The following CCDC81 variants were observed in gnomAD, a reference collection of about 807,000 sequenced individuals.
CCDC81 encodes the protein coiled-coil domain containing 81, also known as coiled-coil domain-containing protein 81.
Under a neutral mutation model 83.7 loss-of-function variants are expected in CCDC81, and 79 were observed. The observed-to-expected ratio is 0.94, with a 90% confidence interval of 0.79 to 1.14. CCDC81 has a LOEUF of 1.14. CCDC81 is among the 50% of genes most tolerant of loss of function. The probability of loss-of-function intolerance (pLI) is 0.00; values close to 1 mark genes in which losing one functional copy is unlikely to be tolerated. For synonymous variants in CCDC81, 252 were observed against 278.1 expected, an observed-to-expected ratio of 0.91 and a Z score of 0.93; for missense variants, 791 against 778.1, an observed-to-expected ratio of 1.02 and a Z score of -0.20.
chr11:86,375,938 A>T (rs887381714), intron 1 of CCDC81, among the ~76,000 whole-genome samples: 1 of 152,226 alleles, frequency 6.6e-6, no homozygotes, highest in African/African-American at 2.4e-5. Flanking sequence ...CAGAAAACAA[A>T]TAGGAATGGC....
chr11:86,406,085 C>T (rs58589645), intron 7 of CCDC81, among the ~76,000 whole-genome samples: 2,197 of 152,214 alleles, frequency 0.014, 43 homozygotes, highest in African/African-American at 0.05. Flanking sequence ...CCCTGTCCTT[C>T]CTCCTAGGTT....
intron 7 of CCDC81, among the ~76,000 whole-genome samples, chr11:86,405,581 T>C (rs1288377156): frequency 6.6e-6 from 1 of 152,216 alleles, no homozygotes; most frequent in Non-Finnish European, 1.5e-5. Flanking sequence ...GCTTTGAATT[T>C]CCTTTGACCA....
At chr11:86,416,559 T>C (rs917915119) in intron 13 of CCDC81, among the ~76,000 whole-genome samples, 1 of 152,248 alleles carries the variant, frequency 6.6e-6, no homozygotes, top group African/African-American at 2.4e-5. Flanking sequence ...ATTGTCCTCA[T>C]ATGAGAAAGA....
At chr11:86,378,863 G>T (rs1041045623) in intron 1 of CCDC81, among the ~76,000 whole-genome samples, 1 of 152,002 alleles carries the variant, frequency 6.6e-6, no homozygotes, top group African/African-American at 2.4e-5. Context: ...TTTAGATTTA[G>T]ATTGGGTTTC....
At chr11:86,417,232 G>T (rs1327695554) in intron 13 of CCDC81, among the ~76,000 whole-genome samples, 3 of 44,642 alleles carry the variant, frequency 6.7e-5, no homozygotes, top group African/African-American at 9.6e-5. Context: ...GACAGAGATT[G>T]CCTCAAAAAA....
chr11:86,379,948 T>G (rs930787800), intron 1 of CCDC81, among the ~76,000 whole-genome samples: 15 of 152,140 alleles, frequency 9.9e-5, no homozygotes, highest in Non-Finnish European at 2.2e-4. Context: ...ACTGCACCGT[T>G]GCACTCCAGG....
At chr11:86,420,251 T>C (rs1427711699) in intron 14 of CCDC81, among the ~76,000 whole-genome samples, 198 bp downstream of exon 14, 1 of 152,236 alleles carries the variant, frequency 6.6e-6, no homozygotes, top group Non-Finnish European at 1.5e-5. Context: ...CTGAGTTGTA[T>C]GCTAGGTATT....
Position 86,392,754 on chromosome 11 carries a change from G to T in CCDC81, c.512G>T (p.Cys171Phe). 3 of 1,551,644 alleles carry T rather than the reference G, an allele frequency of 1.9e-6. No homozygotes were observed. The highest frequency in any genetic ancestry group is 2.6e-6 in the Non-Finnish European group (3 of 1,146,956). Reference protein sequence around the residue: ...VKMRFYKDFLCTMDGSGALAK... With the variant: ...VKMRFYKDFLFTMDGSGALAK... ...ATGAGGTTTTATAAAGACTTCCTTT[G>T]TACCATGGATGGAAGTGGGGCTTTG... The change falls in exon 4 of 15, where the codon TGT becomes TTT. Residue 171 changes from cysteine (C) to phenylalanine (F), a missense_variant. By Grantham distance (205) the Cys-to-Phe change is radical (BLOSUM62 -2). Transcript: ENST00000445632.
intron 1 of CCDC81, among the ~76,000 whole-genome samples, chr11:86,382,191 T>A (rs914372272): frequency 2.6e-5 from 4 of 152,172 alleles, no homozygotes; most frequent in Non-Finnish European, 5.9e-5. Context: ...TTGAATTATA[T>A]GATCAGTTTA....
chr11:86,408,296 T>C (rs1156686249), intron 9 of CCDC81, 26 bp downstream of exon 9: 1 of 1,590,912 alleles, frequency 6.3e-7, no homozygotes, highest in Admixed American at 1.8e-5. Context: ...GATTAGTCTT[T>C]AATATGGGGC....
chr11:86,414,889 A>C, intron 12 of CCDC81, 22 bp downstream of exon 12: 1 of 1,567,002 alleles, frequency 6.4e-7, no homozygotes, highest in Non-Finnish European at 8.7e-7. Context: ...GACAAATATT[A>C]TTTTTAAAAT....
rs1445813141 is a variant in CCDC81 at position 86,419,989 on chromosome 11, G to T, written c.1753G>T (p.Glu585Ter). ...AAATAGAGTCAACCAATGCTTACAG[G>T]AGGACTGGGAAAGGAGTGCTGCGAT... Reference protein sequence around the residue: ...RVNRVNQCLQEDWERSAAMKK... With the variant: ...RVNRVNQCLQ Residue 585 changes from glutamate to a stop codon, truncating the protein, a stop_gained, in exon 14 of 15, where the codon GAG (glutamate) becomes TAG (stop). Coordinates refer to ENST00000445632, the MANE Select transcript of CCDC81 (RefSeq NM_001156474.2). LOFTEE classifies it high-confidence loss of function. 6.8e-6 allele frequency: 11 copies of T among 1,613,882 alleles called. No individual in the cohort carries two copies. Among genetic ancestry groups the T allele is most frequent in the Non-Finnish European group, 8.5e-6 (10 of 1,179,974 alleles).
Position 86,375,170 on chromosome 11 carries a change from G to C in CCDC81, c.7G>C (p.Asp3His), listed in dbSNP as rs1286599272. ML[D>H]TIARALQDLG... ...AGTCACCTGGAAATTGGAGATGTTG[G>C]ATACGATCGCCCGTGCCCTGCAGGA... is the stretch of plus-strand genomic sequence containing the variant. Residue 3 changes from aspartate to histidine, a missense_variant, in exon 1 of 15, where the codon GAT (aspartate) becomes CAT (histidine). Coordinates refer to ENST00000445632, the MANE Select transcript of CCDC81 (RefSeq NM_001156474.2). The C allele has an allele frequency of 6.2e-7, 1 of 1,613,640 alleles. No homozygotes were observed. The highest frequency in any genetic ancestry group is 1.1e-5 in the South Asian group (1 of 91,064).
intron 1 of CCDC81, among the ~76,000 whole-genome samples, chr11:86,377,119 A>G (rs997786213): frequency 4.6e-5 from 7 of 151,524 alleles, no homozygotes; most frequent in African/African-American, 1.7e-4. Context: ...GTGGCTTGAT[A>G]GCTCATTTCT....
intron 6 of CCDC81, among the ~76,000 whole-genome samples, chr11:86,399,721 C>T (rs1338816957): frequency 6.6e-6 from 1 of 151,992 alleles, no homozygotes; most frequent in African/African-American, 2.4e-5. Flanking sequence ...AATCTATCTC[C>T]ATCCTACTCA....
At chr11:86,376,984 T>A (rs776524078) in intron 1 of CCDC81, among the ~76,000 whole-genome samples, 1 of 152,234 alleles carries the variant, frequency 6.6e-6, no homozygotes, top group Non-Finnish European at 1.5e-5. Context: ...CCACTGATCT[T>A]TCCACGGTCT....
At chr11:86,407,804 GCTCAAGTA>G (rs1948583005) in intron 8 of CCDC81, 103 bp downstream of exon 8, 3 of 863,708 alleles carry the variant, frequency 3.5e-6, no homozygotes, top group East Asian at 2.7e-5. Context: ...TATGAGTATG[GCTCAAGTA>G]CTCAAGTACT....
chr11:86,387,979 A>G (rs764588901), intron 3 of CCDC81, among the ~76,000 whole-genome samples: 5 of 152,368 alleles, frequency 3.3e-5, no homozygotes, highest in South Asian at 2.1e-4. Context: ...AGAAATTAAA[A>G]GTGGTTACAA....
intron 1 of CCDC81, among the ~76,000 whole-genome samples, chr11:86,379,836 T>C (rs1948152685): frequency 1.3e-5 from 2 of 151,916 alleles, no homozygotes; most frequent in Admixed American, 6.5e-5. Flanking sequence ...CCAAAAAAAT[T>C]AGATGGACAT....
Sources: gnomAD v4.1 joint callset for allele counts (sites outside exome capture counted in the v4.1 genomes callset) on GRCh38, gnomAD v4.1.1 for gene constraint, MANE v1.5 for transcripts, NCBI Gene and HGNC (gene_info 2026-07-23, HGNC 2026-07-21) for gene names.